LPXN: variants seen among roughly 807,000 people sequenced by gnomAD.
The protein encoded by LPXN is leupaxin.
Under a neutral mutation model 45.6 loss-of-function variants are expected in LPXN, and 28 were observed. The observed-to-expected ratio is 0.61, with a 90% CI of 0.45 to 0.84. The LOEUF (loss-of-function observed/expected upper bound fraction) is 0.84. Among genes scored for constraint, LPXN ranks in the 40% least tolerant of loss-of-function variants. The probability of loss-of-function intolerance (pLI) is 0.00; values close to 1 mark genes in which losing one functional copy is unlikely to be tolerated. For synonymous variants in LPXN, 166 were observed against 169.9 expected (o/e 0.98, Z 0.18); for missense variants, 459 against 475.0 (o/e 0.97, Z 0.31).
chr11:58,557,524 G>C (rs1049322933), intron 3 of LPXN, among the ~76,000 whole-genome samples: 6 of 152,168 alleles, frequency 3.9e-5, no homozygotes, highest in African/African-American at 1.4e-4. Context: ...CAAATATGTA[G>C]ATACACTGGT....
At chr11:58,564,515 G>A (rs1854471456) in intron 2 of LPXN, among the ~76,000 whole-genome samples, 1 of 152,142 alleles carries the variant, frequency 6.6e-6, no homozygotes, top group Admixed American at 6.5e-5. Context: ...TCAGAGCTAA[G>A]CCCCTTTAAC....
intron 4 of LPXN, chr11:58,553,982 A>G (rs1258504924): frequency 6.6e-6 from 1 of 152,312 alleles, no homozygotes; most frequent in East Asian, 1.9e-4. Context: ...CAGCTTGCTC[A>G]CTGGTCTCCT....
intron 7 of LPXN, among the ~76,000 whole-genome samples, chr11:58,530,255 G>A (rs1853347765): frequency 6.6e-6 from 1 of 152,212 alleles, no homozygotes; most frequent in African/African-American, 2.4e-5. Flanking sequence ...GCCTGGCTCG[G>A]TAGGTCCCAC....
At chr11:58,528,797 A>T (rs1853303708) in intron 7 of LPXN, among the ~76,000 whole-genome samples, 1 of 152,168 alleles carries the variant, frequency 6.6e-6, no homozygotes, top group Non-Finnish European at 1.5e-5. Context: ...AAACACAATG[A>T]CTCATACCAT....
intron 3 of LPXN, among the ~76,000 whole-genome samples, chr11:58,559,304 C>A (rs192681137): frequency 5.7e-4 from 86 of 152,134 alleles, no homozygotes; most frequent in Middle Eastern, 3.4e-3. Flanking sequence ...ACATTTCAGA[C>A]ACATATACCA....
chr11:58,537,945 CCA>C (rs766593908), intron 7 of LPXN, among the ~76,000 whole-genome samples: 1 of 132,874 alleles, frequency 7.5e-6, no homozygotes, highest in Non-Finnish European at 1.6e-5. Context: ...ACAACAGTCC[CCA>C]GAGTGTGATG....
At chr11:58,553,178 A>G (rs1046311676) in intron 4 of LPXN, among the ~76,000 whole-genome samples, 22 of 152,114 alleles carry the variant, frequency 1.4e-4, no homozygotes, top group Non-Finnish European at 1.2e-4. Flanking sequence ...TCTACTAAAA[A>G]TACAAAAATT....
chr11:58,540,669 A>C (rs1184683086), intron 7 of LPXN, among the ~76,000 whole-genome samples: 1 of 152,190 alleles, frequency 6.6e-6, no homozygotes, highest in East Asian at 1.9e-4. Context: ...TATAATAAAA[A>C]CATTTAAAAA....
chr11:58,562,790 C>G (rs1003518780), intron 3 of LPXN, among the ~76,000 whole-genome samples: 2 of 139,396 alleles, frequency 1.4e-5, no homozygotes, highest in Non-Finnish European at 3.1e-5. Context: ...TGACAGAGAT[C>G]CTGTGGAAAT....
At chr11:58,536,776 T>C (rs1211446010) in intron 7 of LPXN, among the ~76,000 whole-genome samples, 1 of 151,706 alleles carries the variant, frequency 6.6e-6, no homozygotes, top group Non-Finnish European at 1.5e-5. Flanking sequence ...AAAGGGCTAA[T>C]ATCTAGAATC....
At chr11:58,555,739 A>AAC (rs139423306) in intron 3 of LPXN, among the ~76,000 whole-genome samples, 20,362 of 135,264 alleles carry the variant, frequency 0.15, 1,480 homozygotes, top group Admixed American at 0.22. Context: ...TAGCAATGAA[A>AAC]ACACACACAC....
chr11:58,542,885 A>G (rs1853772161), intron 7 of LPXN, among the ~76,000 whole-genome samples: 1 of 152,186 alleles, frequency 6.6e-6, no homozygotes, highest in Non-Finnish European at 1.5e-5. Flanking sequence ...ATAGGGTAAT[A>G]AGTTAAAAAC....
At chr11:58,537,339 G>T (rs1311143909) in intron 7 of LPXN, among the ~76,000 whole-genome samples, 1 of 152,128 alleles carries the variant, frequency 6.6e-6, no homozygotes, top group Non-Finnish European at 1.5e-5. Flanking sequence ...CCATAAAAAA[G>T]AATGAGTTCA....
rs372959319 is a variant in LPXN at position 58,557,404 on chromosome 11, T to A, written c.219-2464A>T. On this transcript the variant is annotated intron_variant, in intron 3 of 8. Coordinates refer to ENST00000395074, the MANE Select transcript of LPXN (RefSeq NM_004811.3). ...CCTTAAAAAAAGGAGATTCTGCTAT[T>A]TGTCATAGCATTGATGAATTGGAAG... Among the ~76,000 whole-genome samples, 390 of 152,330 alleles carry A rather than the reference T, an allele frequency of 2.6e-3. 16 individuals carry two copies. The South Asian group carries it at 0.076, about 30-fold the overall frequency.
At position 58,549,774 on chromosome 11, in the gene LPXN, G is replaced by A. The variant is rs969105178; in HGVS notation, c.742+12C>T. The A allele has an allele frequency of 6.2e-7, 1 of 1,613,526 alleles. No individual in the cohort carries two copies. The highest frequency in any genetic ancestry group is 8.5e-7 in the Non-Finnish European group (1 of 1,179,564). On this transcript the variant is annotated intron_variant, in intron 7 of 8. Coordinates refer to ENST00000395074, the MANE Select transcript of LPXN (RefSeq NM_004811.3). The stretch of plus-strand genomic sequence containing the variant: ...TGGGGTGTGGGATACAGCCTCTCAA[G>A]TCGGGTCATACCTTCTGCACCAAAC...
At position 58,575,793 on chromosome 11, in the gene LPXN, CTT is replaced by C. The variant is rs531480159; in HGVS notation, c.-23_-22del. On this transcript the variant is annotated 5_prime_UTR_variant, in exon 1 of 9. An upstream open reading frame in the 5' UTR loses its in-frame stop. Transcript: ENST00000395074. Reference sequence around the variant, plus strand: ...TCCATTGTCCTACATCCAAGATGCTCTTGTCTCACAGGCCGTGAGGAACAGCT... The same window carrying C: ...TCCATTGTCCTACATCCAAGATGCTCGTCTCACAGGCCGTGAGGAACAGCT... 628 of 1,614,180 alleles carry C rather than the reference CTT, an allele frequency of 3.9e-4. 4 individuals carry two copies. In the East Asian group the frequency reaches 0.011, roughly 27 times the overall value.
At chr11:58,572,314 C>T (rs531875533) in intron 1 of LPXN, among the ~76,000 whole-genome samples, 2 of 150,750 alleles carry the variant, frequency 1.3e-5, no homozygotes, top group South Asian at 4.2e-4. Flanking sequence ...ATGAAATATA[C>T]AGATCTTTCA....
intron 5 of LPXN, among the ~76,000 whole-genome samples, 187 bp downstream of exon 5, chr11:58,550,878 G>C (rs1854028050): frequency 6.6e-6 from 1 of 152,318 alleles, no homozygotes; most frequent in South Asian, 2.1e-4. Flanking sequence ...TCTTCTTGAA[G>C]GGCTGATGTG....
intron 4 of LPXN, among the ~76,000 whole-genome samples, chr11:58,553,058 G>A (rs551425405): frequency 5.3e-5 from 8 of 152,154 alleles, no homozygotes; most frequent in Non-Finnish European, 8.8e-5. Context: ...AAATGGGGCC[G>A]GGCACAGTGG....
Sources: gnomAD v4.1 joint callset for allele counts (sites outside exome capture counted in the v4.1 genomes callset) on GRCh38, gnomAD v4.1.1 for gene constraint, MANE v1.5 for transcripts, NCBI Gene and HGNC (gene_info 2026-07-23, HGNC 2026-07-21) for gene names.